DKK2: variants seen among roughly 807,000 people sequenced by gnomAD.
DKK2 encodes dickkopf Wnt signaling pathway inhibitor 2, also known as dickkopf-related protein 2.
A neutral mutation model predicts 28.1 loss-of-function variants in DKK2; 11 were observed. The observed-to-expected ratio is 0.39, with a 90% CI of 0.25 to 0.65. The LOEUF is 0.65. Ranked by LOEUF, DKK2 falls within the 30% of genes least tolerant of loss-of-function variation. DKK2 has a pLI of 0.47. For missense variants in DKK2, 326 were observed against 335.5 expected (o/e 0.97, Z 0.22); for synonymous variants, 135 against 126.5 (o/e 1.07, Z -0.45).
At chr4:107,014,410 T>C (rs1723560211) in intron 1 of DKK2, among the ~76,000 whole-genome samples, 1 of 151,466 alleles carries the variant, frequency 6.6e-6, no homozygotes, top group Non-Finnish European at 1.5e-5. Flanking sequence ...GCTGTATTAT[T>C]TCACTCATAT....
At chr4:106,974,407 C>T (rs1165093265) in intron 1 of DKK2, among the ~76,000 whole-genome samples, 1 of 151,968 alleles carries the variant, frequency 6.6e-6, no homozygotes. Flanking sequence ...TATGTCCTCT[C>T]TTATTTCCTT....
At chr4:106,995,175 A>T (rs1428539765) in intron 1 of DKK2, among the ~76,000 whole-genome samples, 1 of 152,122 alleles carries the variant, frequency 6.6e-6, no homozygotes, top group African/African-American at 2.4e-5. Flanking sequence ...TTCTAAGGCA[A>T]CTTCTTTGAG....
At chr4:106,978,828 G>A (rs1351820621) in intron 1 of DKK2, among the ~76,000 whole-genome samples, 3 of 151,800 alleles carry the variant, frequency 2.0e-5, no homozygotes, top group Non-Finnish European at 4.4e-5. Context: ...CCTGCAGCTA[G>A]CTCAGTGTCT....
At chr4:106,976,630 G>C (rs1722949681) in intron 1 of DKK2, among the ~76,000 whole-genome samples, 1 of 151,834 alleles carries the variant, frequency 6.6e-6, no homozygotes, top group African/African-American at 2.4e-5. Context: ...GCATATATGT[G>C]TCTTTGCACA....
At chr4:107,017,947 G>A (rs1342735330) in intron 1 of DKK2, among the ~76,000 whole-genome samples, 3 of 151,894 alleles carry the variant, frequency 2.0e-5, no homozygotes, top group South Asian at 2.1e-4. Context: ...TTGTTTGTTC[G>A]ATTACTCTAG....
At chr4:106,956,860 A>C (rs1016863804) in intron 1 of DKK2, among the ~76,000 whole-genome samples, 5 of 151,052 alleles carry the variant, frequency 3.3e-5, no homozygotes, top group African/African-American at 9.8e-5. Flanking sequence ...TTCATGTCTA[A>C]AACACCAAAA....
intron 1 of DKK2, among the ~76,000 whole-genome samples, chr4:107,029,255 G>T (rs1017885391): frequency 1.3e-5 from 2 of 152,148 alleles, no homozygotes; most frequent in African/African-American, 4.8e-5. Context: ...ACAGCATATT[G>T]TAGCAGCATA....
intron 1 of DKK2, among the ~76,000 whole-genome samples, chr4:106,983,337 G>GAAGAAAGGAAGAAAGA (rs1553923101): frequency 5.0e-5 from 6 of 120,432 alleles, no homozygotes; most frequent in South Asian, 2.9e-4. Context: ...AGGAAGAAAG[G>GAAGAAAGGAAGAAAGA]AAGAAAGAAA....
chr4:107,003,597 T>C (rs889968063), intron 1 of DKK2, among the ~76,000 whole-genome samples: 1 of 152,234 alleles, frequency 6.6e-6, no homozygotes, highest in African/African-American at 2.4e-5. Flanking sequence ...TTAGAGATTT[T>C]TGGTCATAAT....
intron 1 of DKK2, among the ~76,000 whole-genome samples, chr4:107,029,086 T>C (rs531038936): frequency 1.2e-4 from 19 of 152,308 alleles, no homozygotes; most frequent in Admixed American, 7.2e-4. Context: ...TTAGTATCCA[T>C]GAAGTACTAA....
At position 106,925,739 on chromosome 4, in the gene DKK2, G is replaced by A. The variant is rs1042019685; in HGVS notation, c.373+60C>T. The A allele has an allele frequency of 2.0e-6, 3 of 1,529,872 alleles. No individual in the cohort carries two copies. The African/African-American group carries it at 4.2e-5, about 21-fold the overall frequency. 94.8% of individuals were successfully genotyped at this position (1,529,872 alleles called of 1,614,324 possible). A position where few individuals can be genotyped will look rare whatever the true frequency, so the allele number is the denominator to read the frequency against. ...GTAAGGAGACGATAGCCTGACTTGA[G>A]AGACAGGCTTATGATGATGAAAAGA... On this transcript the variant is annotated intron_variant, in intron 2 of 3. Coordinates refer to ENST00000285311, the MANE Select transcript of DKK2 (RefSeq NM_014421.3).
intron 1 of DKK2, among the ~76,000 whole-genome samples, chr4:106,967,194 A>G (rs1048569682): frequency 6.6e-6 from 1 of 152,082 alleles, no homozygotes; most frequent in Non-Finnish European, 1.5e-5. Flanking sequence ...CAAACACAAC[A>G]TTTGCTTTTA....
chr4:106,926,446 CT>C (rs1382684837), intron 1 of DKK2, among the ~76,000 whole-genome samples: 1 of 152,158 alleles, frequency 6.6e-6, no homozygotes, highest in Non-Finnish European at 1.5e-5. Flanking sequence ...AAAGTGAACC[CT>C]TTCAGTTCCT....
chr4:106,936,377 T>A (rs1303888298), intron 1 of DKK2, among the ~76,000 whole-genome samples: 1 of 151,908 alleles, frequency 6.6e-6, no homozygotes, highest in Non-Finnish European at 1.5e-5. Context: ...CGATGGAAGA[T>A]GAAATGAATG....
chr4:106,965,354 G>C (rs1207480369), intron 1 of DKK2, among the ~76,000 whole-genome samples: 1 of 152,040 alleles, frequency 6.6e-6, no homozygotes, highest in Non-Finnish European at 1.5e-5. Context: ...TGTGAGTTTA[G>C]TGAGTTATTT....
At chr4:106,968,106 T>A (rs1409876830) in intron 1 of DKK2, among the ~76,000 whole-genome samples, 11 of 121,118 alleles carry the variant, frequency 9.1e-5, no homozygotes, top group Non-Finnish European at 1.0e-4. Context: ...GGGAGAAAGG[T>A]GGAGAAAAGA....
At chr4:107,020,261 T>A (rs1055082346) in intron 1 of DKK2, among the ~76,000 whole-genome samples, 1 of 152,048 alleles carries the variant, frequency 6.6e-6, no homozygotes, top group Non-Finnish European at 1.5e-5. Context: ...ACAATGAGAA[T>A]TTTTAAAAAG....
chr4:107,019,105 TCAA>T (rs1205956929), intron 1 of DKK2, among the ~76,000 whole-genome samples: 2 of 152,006 alleles, frequency 1.3e-5, no homozygotes, highest in African/African-American at 4.8e-5. Flanking sequence ...GATAAGAACT[TCAA>T]CAACGTTTCC....
At chr4:106,943,228 A>G (rs568287870) in intron 1 of DKK2, among the ~76,000 whole-genome samples, 45 of 152,180 alleles carry the variant, frequency 3.0e-4, no homozygotes, top group Admixed American at 1.3e-3. Context: ...TCTTTGCACC[A>G]TGATGTAGAT....
Sources: gnomAD v4.1 joint callset for allele counts (sites outside exome capture counted in the v4.1 genomes callset) on GRCh38, gnomAD v4.1.1 for gene constraint, MANE v1.5 for transcripts, NCBI Gene and HGNC (gene_info 2026-07-23, HGNC 2026-07-21) for gene names.